IFT74: variants seen among roughly 807,000 people sequenced by gnomAD.
IFT74 encodes intraflagellar transport protein 74 homolog.
Under a neutral mutation model 96.7 loss-of-function variants are expected in IFT74, and 92 were observed. The ratio of observed to expected loss-of-function variants is 0.95; its 90% CI spans 0.80 to 1.13. IFT74 has a LOEUF of 1.13. Among genes scored for constraint, IFT74 ranks in the 50% most tolerant of loss-of-function variants. The probability of loss-of-function intolerance (pLI) is 0.00; values close to 1 mark genes in which losing one functional copy is unlikely to be tolerated. For synonymous variants in IFT74, 223 were observed against 213.2 expected, an observed-to-expected ratio of 1.05 and a Z score of -0.40; for missense variants, 811 against 698.2, an observed-to-expected ratio of 1.16 and a Z score of -1.82.
chr9:26,987,607 T>C (rs1827693785), intron 6 of IFT74, among the ~76,000 whole-genome samples: 1 of 152,236 alleles, frequency 6.6e-6, no homozygotes, highest in African/African-American at 2.4e-5. Flanking sequence ...TTATTATTTA[T>C]ATCATAAATG....
chr9:27,018,305 C>G (rs1345572810), intron 11 of IFT74, among the ~76,000 whole-genome samples: 1 of 152,180 alleles, frequency 6.6e-6, no homozygotes, highest in African/African-American at 2.4e-5. Context: ...CTTGCTCAAT[C>G]TAGCAACCCT....
chr9:27,005,857 T>G (rs971329957), intron 8 of IFT74, among the ~76,000 whole-genome samples: 2 of 152,230 alleles, frequency 1.3e-5, no homozygotes, highest in African/African-American at 4.8e-5. Flanking sequence ...TTTCTTTTTT[T>G]GAGATGAAGT....
intron 8 of IFT74, among the ~76,000 whole-genome samples, chr9:26,991,414 C>G (rs1350013351): frequency 1.3e-5 from 2 of 151,946 alleles, no homozygotes; most frequent in Admixed American, 1.3e-4. Flanking sequence ...GAGACAGGGT[C>G]TTATTACGTT....
intron 6 of IFT74, among the ~76,000 whole-genome samples, chr9:26,987,186 A>G (rs1432125598): frequency 3.0e-4 from 46 of 151,770 alleles, no homozygotes; most frequent in Admixed American, 3.0e-3. Context: ...AGTAGCTGGG[A>G]TTACAGGCGC....
chr9:27,062,252 T>C (rs1450047672), intron 19 of IFT74, among the ~76,000 whole-genome samples: 2 of 152,146 alleles, frequency 1.3e-5, no homozygotes, highest in Non-Finnish European at 2.9e-5. Flanking sequence ...GTCTAGAAAT[T>C]TGCCTTAAAT....
At chr9:26,985,885 A>T (rs534732919) in intron 6 of IFT74, among the ~76,000 whole-genome samples, 1 of 152,320 alleles carries the variant, frequency 6.6e-6, no homozygotes, top group South Asian at 2.1e-4. Flanking sequence ...GTTTTACTCG[A>T]AATATTGTGT....
chr9:27,037,917 C>G (rs999395733), intron 13 of IFT74, among the ~76,000 whole-genome samples: 2 of 152,222 alleles, frequency 1.3e-5, no homozygotes, highest in African/African-American at 4.8e-5. Flanking sequence ...TCCCTGATCT[C>G]TCTACTTCAC....
At chr9:27,043,733 G>A (rs998963474) in intron 13 of IFT74, among the ~76,000 whole-genome samples, 2 of 152,072 alleles carry the variant, frequency 1.3e-5, no homozygotes, top group African/African-American at 4.8e-5. Flanking sequence ...CAGAAGCCTG[G>A]GAATCATACT....
chr9:27,022,977 A>G (rs1053341037), intron 12 of IFT74, among the ~76,000 whole-genome samples: 1 of 152,130 alleles, frequency 6.6e-6, no homozygotes, highest in Non-Finnish European at 1.5e-5. Context: ...CTGTTGGTAT[A>G]TAGCGGTGCT....
At chr9:27,055,411 T>C (rs1587424500) in intron 16 of IFT74, among the ~76,000 whole-genome samples, 198 bp from the exon 17 acceptor site, 1 of 152,132 alleles carries the variant, frequency 6.6e-6, no homozygotes, top group Admixed American at 6.5e-5. Flanking sequence ...TTCCCTAATA[T>C]ATTGGTTACC....
At chr9:27,043,042 C>T (rs376535456) in intron 13 of IFT74, among the ~76,000 whole-genome samples, 5 of 152,082 alleles carry the variant, frequency 3.3e-5, no homozygotes, top group Non-Finnish European at 5.9e-5. Flanking sequence ...AATCAGGGGG[C>T]GTCAGTGTAT....
At chr9:26,989,093 T>C (rs1827760216) in intron 7 of IFT74, among the ~76,000 whole-genome samples, 1 of 152,190 alleles carries the variant, frequency 6.6e-6, no homozygotes, top group East Asian at 1.9e-4. Context: ...TAACTTTACA[T>C]AGTTTTTGTC....
chr9:26,993,861 C>T (rs755791202), intron 8 of IFT74: 11 of 152,034 alleles, frequency 7.2e-5, no homozygotes, highest in Non-Finnish European at 1.6e-4. Context: ...ATTATTTCAC[C>T]CATCAATATA....
intron 8 of IFT74, 49 bp from the exon 9 acceptor site, chr9:27,008,971 A>G (rs768305149): frequency 1.4e-6 from 2 of 1,443,988 alleles, no homozygotes; most frequent in Non-Finnish European, 1.9e-6. Context: ...ATAATTGGAT[A>G]TTTTTTCCTC....
intron 3 of IFT74, among the ~76,000 whole-genome samples, chr9:26,979,711 T>TTTA (rs1423580164): frequency 7.4e-6 from 1 of 135,774 alleles, no homozygotes; most frequent in African/African-American, 2.9e-5. Context: ...TTCTTTTTTT[T>TTTA]TTTTTTTTTT....
chr9:26,988,709 T>C lies in IFT74; in HGVS notation c.506T>C (p.Val169Ala), dbSNP rs1309531062. Reference protein sequence around the residue: ...KLNTNTEMEEVMNDYNMLKAQ... With the variant: ...KLNTNTEMEEAMNDYNMLKAQ... ...AATACCAACACTGAAATGGAAGAAG[T>C]AATGAATGATTACAATATGGTAAGA... Residue 169 changes from valine (V) to alanine (A), a missense_variant, in exon 7 of 20, where the codon GTA (valine) becomes GCA (alanine). Val to Ala is a moderately conservative substitution (Grantham distance 64, BLOSUM62 0). Coordinates refer to ENST00000380062, the MANE Select transcript of IFT74 (RefSeq NM_025103.4). The C allele has an allele frequency of 1.3e-6, 2 of 1,541,810 alleles. No individual in the cohort carries two copies. Among genetic ancestry groups the C allele is most frequent in the Non-Finnish European group, 1.8e-6 (2 of 1,130,070 alleles).
At chr9:27,047,461 T>C in intron 15 of IFT74, 90 bp downstream of exon 15, 2 of 677,828 alleles carry the variant, frequency 3.0e-6, no homozygotes, top group East Asian at 3.0e-5. Context: ...CGGCTCACTA[T>C]TGTATCTTCT....
chr9:26,993,285 A>G (rs1339772659), intron 8 of IFT74: 1 of 152,110 alleles, frequency 6.6e-6, no homozygotes, highest in African/African-American at 2.4e-5. Flanking sequence ...GCATCTTATA[A>G]TTAGGAAATA....
chr9:27,008,013 ATTGC>A (rs1828875500), intron 8 of IFT74, among the ~76,000 whole-genome samples: 2 of 152,198 alleles, frequency 1.3e-5, no homozygotes, highest in Admixed American at 1.3e-4. Context: ...AAAAATGGTT[ATTGC>A]TTCTAATTAA....
Sources: gnomAD v4.1 joint callset for allele counts (sites outside exome capture counted in the v4.1 genomes callset) on GRCh38, gnomAD v4.1.1 for gene constraint, MANE v1.5 for transcripts, NCBI Gene and HGNC (gene_info 2026-07-23, HGNC 2026-07-21) for gene names.